The following PXDNL variants were observed in gnomAD, a reference collection of about 807,000 sequenced individuals.
PXDNL encodes probable oxidoreductase PXDNL.
A neutral mutation model predicts 150.8 loss-of-function variants in PXDNL; 145 were observed. That is an observed-to-expected ratio of 0.96 (90% CI 0.84 to 1.10). The LOEUF (loss-of-function observed/expected upper bound fraction) is 1.10. PXDNL is among the 50% of genes least tolerant of loss of function. PXDNL has a pLI of 0.00. For missense variants in PXDNL, 2,087 were observed against 1,873.9 expected, an observed-to-expected ratio of 1.11 and a Z score of -2.10; for synonymous variants, 757 against 725.7, an observed-to-expected ratio of 1.04 and a Z score of -0.69.
At chr8:51,573,772 A>G (rs1812993605) in intron 3 of PXDNL, among the ~76,000 whole-genome samples, 1 of 152,032 alleles carries the variant, frequency 6.6e-6, no homozygotes, top group African/African-American at 2.4e-5. Flanking sequence ...ATATAATGTC[A>G]AAGTCTTTAC....
intron 4 of PXDNL, among the ~76,000 whole-genome samples, chr8:51,515,849 G>A (rs1306498500): frequency 2.0e-5 from 3 of 152,160 alleles, no homozygotes; most frequent in Non-Finnish European, 4.4e-5. Context: ...TTTGATATCA[G>A]ATTTCTATTA....
At chr8:51,362,225 G>C (rs1806775486) in intron 19 of PXDNL, among the ~76,000 whole-genome samples, 1 of 152,178 alleles carries the variant, frequency 6.6e-6, no homozygotes, top group Admixed American at 6.5e-5. Flanking sequence ...CTCCGGTAAA[G>C]TAGGCTTGCT....
intron 4 of PXDNL, among the ~76,000 whole-genome samples, chr8:51,500,720 C>T (rs1811160600): frequency 6.6e-6 from 1 of 152,090 alleles, no homozygotes; most frequent in African/African-American, 2.4e-5. Flanking sequence ...ACTTTCACAC[C>T]AAATTGGAAA....
intron 1 of PXDNL, among the ~76,000 whole-genome samples, chr8:51,682,444 C>T (rs1815772019): frequency 6.6e-6 from 1 of 152,124 alleles, no homozygotes. Context: ...GTGAGGGGCC[C>T]TTGTAATTGG....
At position 51,409,404 on chromosome 8, in the gene PXDNL, G is replaced by A. The variant is rs767742515; in HGVS notation, c.2220C>T (p.Pro740=). Residue 740 remains proline, a synonymous_variant, in exon 17 of 23, where the codon CCC becomes CCT. Transcript: ENST00000356297. ...HDGTCNNLQQ[P]TWGAALTAFA... Reference sequence around the variant, plus strand: ...AGGCGGTCAGCGCCGCGCCCCACGTGGGCTGCTGCAGGTTGTTGCACGTGC... The same window carrying A: ...AGGCGGTCAGCGCCGCGCCCCACGTAGGCTGCTGCAGGTTGTTGCACGTGC... 7 of 1,610,620 alleles carry A rather than the reference G, an allele frequency of 4.3e-6. No individual in the cohort carries two copies. Among genetic ancestry groups the A allele is most frequent in the Non-Finnish European group, 5.1e-6 (6 of 1,179,006 alleles).
Position 51,631,844 on chromosome 8 carries a change from G to A in PXDNL, c.236+22845C>T, listed in dbSNP as rs947238708. On this transcript the variant is annotated intron_variant, in intron 2 of 22. Transcript: ENST00000356297. ...AAGCTAAGTTGATATCAATTACCTC[G>A]TGTCTCATTTCTCAAGGAAATGGGA... 6.6e-5 allele frequency among the ~76,000 whole-genome samples: 10 copies of A among 152,082 alleles called. No individual in the cohort carries two copies. In the East Asian group the frequency reaches 7.7e-4, roughly 12 times the overall value.
At chr8:51,461,110 A>G (rs756066794) in intron 8 of PXDNL, among the ~76,000 whole-genome samples, 33 of 152,236 alleles carry the variant, frequency 2.2e-4, no homozygotes, top group Admixed American at 3.9e-4. Flanking sequence ...AGCCAGTGCT[A>G]GACCCCAAAG....
At position 51,566,929 on chromosome 8, in the gene PXDNL, A is replaced by C. The variant is rs1047953234; in HGVS notation, c.309-10018T>G. On this transcript the variant is annotated intron_variant, in intron 3 of 22. Transcript: ENST00000356297. ...TTTTCTAATATATGCATTCAACACT[A>C]TACCTCTAAGGACTGCTTTAACTGC... 2.0e-5 allele frequency among the ~76,000 whole-genome samples: 3 copies of C among 151,570 alleles called. No individual in the cohort carries two copies. The East Asian group carries it at 5.8e-4, about 29-fold the overall frequency.
chr8:51,769,745 A>G (rs2037271685), intron 1 of PXDNL, among the ~76,000 whole-genome samples: 1 of 152,238 alleles, frequency 6.6e-6, no homozygotes, highest in South Asian at 2.1e-4. Context: ...TTTAAAAACC[A>G]TATAGCTAAA....
At chr8:51,328,993 C>T (rs1358119081) in intron 21 of PXDNL, among the ~76,000 whole-genome samples, 1 of 152,192 alleles carries the variant, frequency 6.6e-6, no homozygotes, top group African/African-American at 2.4e-5. Context: ...GGCTTCCTGA[C>T]TCACTTAATC....
chr8:51,735,502 AAATT>A (rs1176832831), intron 1 of PXDNL, among the ~76,000 whole-genome samples: 4 of 150,180 alleles, frequency 2.7e-5, no homozygotes, highest in Admixed American at 6.7e-5. Flanking sequence ...TAAATAAATA[AAATT>A]AATTAATTAA....
intron 20 of PXDNL, among the ~76,000 whole-genome samples, chr8:51,342,234 C>A (rs2130688419): frequency 6.6e-6 from 1 of 151,818 alleles, no homozygotes; most frequent in East Asian, 1.9e-4. Context: ...AGAAGATTTG[C>A]AAAATGCAGT....
intron 21 of PXDNL, among the ~76,000 whole-genome samples, chr8:51,333,615 A>T (rs1001056656): frequency 6.6e-6 from 1 of 152,180 alleles, no homozygotes; most frequent in East Asian, 1.9e-4. Flanking sequence ...CACCTCACAC[A>T]TAAGGACTCA....
intron 2 of PXDNL, among the ~76,000 whole-genome samples, chr8:51,601,031 T>C (rs886493727): frequency 2.2e-4 from 32 of 147,198 alleles, no homozygotes; most frequent in African/African-American, 7.6e-4. Context: ...ACATCTTATA[T>C]AAATTATATC....
At position 51,621,452 on chromosome 8, in the gene PXDNL, G is replaced by C. The variant is rs1280879534; in HGVS notation, c.237-28754C>G. Among the ~76,000 whole-genome samples the C allele has an allele frequency of 3.8e-5, 3 of 78,396 alleles. No individual in the cohort carries two copies. In the African/African-American group the frequency reaches 5.0e-4, roughly 13 times the overall value. The allele number at this position is 78,396 out of a possible 152,430, so 51.4% of individuals were successfully genotyped here. On this transcript the variant is annotated intron_variant, in intron 2 of 22. Transcript: ENST00000356297. ...AAAGAATGAGTGTGTGTGTGTCTGT[G>C]TGTGTGTGTGTGTGTGTGTGTGTGT...
At chr8:51,731,687 A>C (rs1231737440) in intron 1 of PXDNL, among the ~76,000 whole-genome samples, 2 of 152,148 alleles carry the variant, frequency 1.3e-5, no homozygotes, top group Admixed American at 1.3e-4. Context: ...ATTTTCATAC[A>C]TCCTCTGAAA....
chr8:51,520,196 C>T (rs182116209), intron 4 of PXDNL, among the ~76,000 whole-genome samples: 119 of 152,314 alleles, frequency 7.8e-4, no homozygotes, highest in African/African-American at 2.7e-3. Flanking sequence ...TGCTCCCTCA[C>T]AGAATTAAAG....
At chr8:51,464,790 A>G (rs1810164991) in intron 8 of PXDNL, among the ~76,000 whole-genome samples, 2 of 152,166 alleles carry the variant, frequency 1.3e-5, no homozygotes, top group South Asian at 4.1e-4. Flanking sequence ...ATGGGTGCAG[A>G]AACCACCAAG....
intron 4 of PXDNL, among the ~76,000 whole-genome samples, chr8:51,507,943 C>T (rs533404119): frequency 2.2e-4 from 34 of 152,242 alleles, no homozygotes; most frequent in African/African-American, 7.7e-4. Context: ...GTGGTGGTGA[C>T]GATGCCTGCC....
Sources: gnomAD v4.1 joint callset for allele counts (sites outside exome capture counted in the v4.1 genomes callset) on GRCh38, gnomAD v4.1.1 for gene constraint, MANE v1.5 for transcripts, NCBI Gene and HGNC (gene_info 2026-07-23, HGNC 2026-07-21) for gene names.